The following RABEP1 variants were observed in gnomAD, a reference collection of about 807,000 sequenced individuals.
RABEP1 encodes rab GTPase-binding effector protein 1.
In RABEP1, 51 loss-of-function variants were observed where a neutral mutation model predicts 123.4. The observed-to-expected ratio is 0.41, with a 90% CI of 0.33 to 0.52. The LOEUF is 0.52. RABEP1 is among the 20% of genes least tolerant of loss of function. The probability of loss-of-function intolerance (pLI) is 0.16; values close to 1 mark genes in which losing one functional copy is unlikely to be tolerated. For missense variants in RABEP1, 888 were observed against 996.3 expected (o/e 0.89, Z 1.46); for synonymous variants, 347 against 355.2 (o/e 0.98, Z 0.26).
intron 7 of RABEP1, 41 bp downstream of exon 7, chr17:5,350,670 T>C: frequency 6.3e-7 from 1 of 1,599,088 alleles, no homozygotes; most frequent in Non-Finnish European, 8.6e-7. Context: ...TTGTCAGTAA[T>C]GTCCCCCACC....
chr17:5,310,166 T>C (rs1293707429), intron 2 of RABEP1, among the ~76,000 whole-genome samples: 1 of 152,228 alleles, frequency 6.6e-6, no homozygotes. Flanking sequence ...TTTTAACTTA[T>C]GAACTCTGTA....
At position 5,385,177 on chromosome 17, in the gene RABEP1, T is replaced by C. The variant is rs1421122823; in HGVS notation, c.*1954T>C. ...AAAAACCCAAACTGAGACTCTTAAG[T>C]TTTGTTTAGCAATGTGTTTCTGGTA... On this transcript the variant is annotated 3_prime_UTR_variant, in exon 18 of 18. Coordinates refer to ENST00000537505, the MANE Select transcript of RABEP1 (RefSeq NM_004703.6). 4.4e-5 allele frequency: 10 copies of C among 229,786 alleles called. No homozygotes were observed. Among genetic ancestry groups the C allele is most frequent in the Non-Finnish European group, 7.8e-5 (9 of 115,996 alleles). 14.2% of individuals were successfully genotyped at this position (229,786 alleles called of 1,614,324 possible). A position where few individuals can be genotyped will look rare whatever the true frequency, so the allele number is the denominator to read the frequency against.
Position 5,361,544 on chromosome 17 carries a change from G to A in RABEP1, c.1432G>A (p.Ala478Thr). The A allele has an allele frequency of 6.2e-7, 1 of 1,614,152 alleles. No individual in the cohort carries two copies. Among genetic ancestry groups the A allele is most frequent in the Non-Finnish European group, 8.5e-7 (1 of 1,180,030 alleles). Reference protein sequence around the residue: ...LTKDQERAIKAMTPEQEETAS... With the variant: ...LTKDQERAIKTMTPEQEETAS... ...CAAAGATCAGGAAAGAGCAATCAAGGCGATGACACCAGAACAAGAAGAGAC... is the reference window on the plus strand; with the variant it reads ...CAAAGATCAGGAAAGAGCAATCAAGACGATGACACCAGAACAAGAAGAGAC... The change falls in exon 9 of 18, where the codon GCG becomes ACG. Residue 478 changes from alanine to threonine, a missense_variant. By Grantham distance (58) the Ala-to-Thr change is moderately conservative (BLOSUM62 0). Transcript: ENST00000537505.
At chr17:5,329,082 A>G (rs974188070) in intron 2 of RABEP1, among the ~76,000 whole-genome samples, 1 of 130,290 alleles carries the variant, frequency 7.7e-6, no homozygotes, top group Non-Finnish European at 1.5e-5. Context: ...ATTAGTTATC[A>G]GGCAGTTGTT....
At chr17:5,354,664 A>G (rs1223319540) in intron 8 of RABEP1, among the ~76,000 whole-genome samples, 174 bp downstream of exon 8, 1 of 152,232 alleles carries the variant, frequency 6.6e-6, no homozygotes, top group East Asian at 1.9e-4. Flanking sequence ...TATAGGTAGC[A>G]CTATTTGAAA....
chr17:5,302,005 A>C (rs191264505), intron 1 of RABEP1, among the ~76,000 whole-genome samples: 14 of 152,048 alleles, frequency 9.2e-5, no homozygotes, highest in African/African-American at 3.4e-4. Context: ...TATTTCTATT[A>C]GACTCTATGC....
At chr17:5,379,155 A>C (rs930016831) in intron 15 of RABEP1, among the ~76,000 whole-genome samples, 5 of 151,238 alleles carry the variant, frequency 3.3e-5, no homozygotes, top group African/African-American at 1.2e-4. Flanking sequence ...CAGCCCCCTC[A>C]CTCTCAGCAG....
chr17:5,353,387 A>G (rs1444384097), intron 7 of RABEP1, among the ~76,000 whole-genome samples: 1 of 152,080 alleles, frequency 6.6e-6, no homozygotes, highest in Non-Finnish European at 1.5e-5. Flanking sequence ...CCTTGTACAT[A>G]CTTGTATTGT....
Position 5,354,457 on chromosome 17 carries a change from A to G in RABEP1, c.1062A>G (p.Gln354=). ...TACCAGTAGTGTGTGCTTTAACTCAAGAAGAATCTTCAGCCCAGTTATCAA... is the reference window on the plus strand; with the variant it reads ...TACCAGTAGTGTGTGCTTTAACTCAGGAAGAATCTTCAGCCCAGTTATCAA... ...IKIPVVCALT[Q]EESSAQLSNE... The change falls in exon 8 of 18, where the codon CAA becomes CAG. Residue 354 remains glutamine (Q), a synonymous_variant. Transcript: ENST00000537505. The G allele has an allele frequency of 4.3e-6, 7 of 1,612,832 alleles. No homozygotes were observed. Among genetic ancestry groups the G allele is most frequent in the African/African-American group, 1.3e-5 (1 of 75,024 alleles).
rs375569246 is a variant in RABEP1, at chr17:5,294,925, C to T, written c.34+12405C>T. 2.1e-4 allele frequency among the ~76,000 whole-genome samples: 31 copies of T among 150,582 alleles called. 1 individual carries two copies. The highest frequency in any genetic ancestry group is 1.9e-4 in the Non-Finnish European group (13 of 67,656). On this transcript the variant is annotated intron_variant, in intron 1 of 17. Transcript: ENST00000537505. ...CCTCCCAAAGTGCTGGGATTACAGG[C>T]GTGAGCCACCGTGCCCGGCCAACGG...
At chr17:5,326,894 C>T (rs758706183) in intron 2 of RABEP1, among the ~76,000 whole-genome samples, 27 of 152,110 alleles carry the variant, frequency 1.8e-4, no homozygotes, top group Non-Finnish European at 7.4e-5. Flanking sequence ...TGTCCTTGTG[C>T]GAACGCGGAA....
Position 5,323,819 on chromosome 17 carries a change from A to AATATATATATATATATATCTAGGAATAT in RABEP1, c.164-8116_164-8115insATATCTAGGAATATATATATATATATAT, listed in dbSNP as rs200561684. On this transcript the variant is annotated intron_variant, in intron 2 of 17. Transcript: ENST00000537505. ...CTAGGAATATATATATATATCTAGGAATATATATATATATCTAGGAATATA... is the reference window on the plus strand; with the variant it reads ...CTAGGAATATATATATATATCTAGGAATATATATATATATATATCTAGGAATATATATATATATATATCTAGGAATATA... Among the ~76,000 whole-genome samples the AATATATATATATATATATCTAGGAATAT allele has an allele frequency of 2.7e-4, 19 of 70,900 alleles. 3 individuals carry two copies. Among genetic ancestry groups the AATATATATATATATATATCTAGGAATAT allele is most frequent in the African/African-American group, 1.5e-3 (19 of 13,072 alleles). The allele number at this position is 70,900 out of a possible 152,430, so 46.5% of individuals were successfully genotyped here. A position where few individuals can be genotyped will look rare whatever the true frequency, so the allele number is the denominator to read the frequency against.
At chr17:5,375,995 C>G (rs774226412) in intron 13 of RABEP1, among the ~76,000 whole-genome samples, 1 of 152,120 alleles carries the variant, frequency 6.6e-6, no homozygotes, top group Non-Finnish European at 1.5e-5. Flanking sequence ...GCCTCTGCCT[C>G]CTGAGTAGCT....
chr17:5,324,897 C>G (rs1330587926), intron 2 of RABEP1, among the ~76,000 whole-genome samples: 2 of 152,158 alleles, frequency 1.3e-5, no homozygotes, highest in Non-Finnish European at 2.9e-5. Flanking sequence ...AGGCATTCAT[C>G]CACTGATGGT....
intron 6 of RABEP1, among the ~76,000 whole-genome samples, chr17:5,349,071 C>T (rs1243673621): frequency 1.3e-5 from 2 of 152,168 alleles, no homozygotes; most frequent in Non-Finnish European, 2.9e-5. Context: ...CCTTGGCAAC[C>T]ACTAATCTAC....
intron 12 of RABEP1, chr17:5,371,133 ATT>A (rs1029465711): frequency 2.0e-5 from 3 of 151,886 alleles, no homozygotes; most frequent in African/African-American, 7.3e-5. Context: ...CGCCTGGAGA[ATT>A]TTTTGTTTTT....
chr17:5,333,940 A>G (rs977779334), intron 3 of RABEP1, among the ~76,000 whole-genome samples: 3 of 152,198 alleles, frequency 2.0e-5, no homozygotes, highest in Admixed American at 2.0e-4. Context: ...AAACTGGACA[A>G]TGTAGTTTTA....
chr17:5,347,442 C>G (rs139856936), intron 6 of RABEP1, among the ~76,000 whole-genome samples: 2 of 123,626 alleles, frequency 1.6e-5, no homozygotes, highest in South Asian at 5.4e-4. Context: ...AACAAACAAA[C>G]AAACAAACAA....
At chr17:5,381,091 C>CT (rs1911410690) in intron 16 of RABEP1, among the ~76,000 whole-genome samples, 1 of 152,138 alleles carries the variant, frequency 6.6e-6, no homozygotes, top group Non-Finnish European at 1.5e-5. Flanking sequence ...AGACACCGAT[C>CT]TTAGCAGCTG....
Sources: allele counts gnomAD v4.1 joint callset (sites outside exome capture counted in the v4.1 genomes callset), GRCh38; gene constraint gnomAD v4.1.1; transcripts MANE v1.5; gene names NCBI Gene and HGNC (gene_info 2026-07-23, HGNC 2026-07-21).